The following ANKS1B variants were observed in gnomAD, a reference collection of about 807,000 sequenced individuals.
ANKS1B encodes ankyrin repeat and sterile alpha motif domain-containing protein 1B.
In ANKS1B, 36 loss-of-function variants were observed where a neutral mutation model predicts 148.3. The observed-to-expected ratio is 0.24, with a 90% CI of 0.19 to 0.32. The LOEUF is 0.32. Ranked by LOEUF, ANKS1B falls within the 10% of genes least tolerant of loss-of-function variation. The pLI is 1.00. For synonymous variants in ANKS1B, 542 were observed against 560.8 expected (o/e 0.97, Z 0.47); for missense variants, 1,157 against 1,542.6 (o/e 0.75, Z 4.19).
chr12:99,956,145 G>C (rs931014592), intron 1 of ANKS1B, among the ~76,000 whole-genome samples: 17 of 152,014 alleles, frequency 1.1e-4, no homozygotes, highest in South Asian at 2.1e-4. Context: ...AGGTGTGGTG[G>C]TGGGCGCCTA....
At chr12:99,303,266 T>C (rs1566847186) in intron 12 of ANKS1B, among the ~76,000 whole-genome samples, 2 of 152,150 alleles carry the variant, frequency 1.3e-5, no homozygotes, top group Non-Finnish European at 1.5e-5. Context: ...ATAGATGAAA[T>C]GCAAGTTTGG....
intron 12 of ANKS1B, among the ~76,000 whole-genome samples, chr12:99,265,195 C>T (rs2076327292): frequency 6.6e-6 from 1 of 152,070 alleles, no homozygotes; most frequent in African/African-American, 2.4e-5. Context: ...ATAGTGTGGA[C>T]CCCAGAACAG....
chr12:98,769,008 TA>T (rs963259544), intron 25 of ANKS1B, among the ~76,000 whole-genome samples: 3 of 151,990 alleles, frequency 2.0e-5, no homozygotes, highest in African/African-American at 4.8e-5. Context: ...TGATATCAGA[TA>T]AAAACATGGG....
At chr12:98,997,612 C>T (rs538970084) in intron 17 of ANKS1B, among the ~76,000 whole-genome samples, 5 of 152,036 alleles carry the variant, frequency 3.3e-5, no homozygotes, top group East Asian at 1.9e-4. Flanking sequence ...AGGATGGTCT[C>T]GATCTCTTGA....
chr12:98,832,513 C>T (rs920964761), intron 17 of ANKS1B, among the ~76,000 whole-genome samples: 9 of 152,172 alleles, frequency 5.9e-5, no homozygotes, highest in Admixed American at 3.9e-4. Flanking sequence ...TCTTTCCCTC[C>T]ATCCAGGATA....
At chr12:99,195,089 CTTTG>C (rs374810900) in intron 14 of ANKS1B, among the ~76,000 whole-genome samples, 32 of 152,166 alleles carry the variant, frequency 2.1e-4, no homozygotes, top group African/African-American at 6.0e-4. Context: ...TGCTCTCATA[CTTTG>C]TTTAACTGAT....
intron 10 of ANKS1B, among the ~76,000 whole-genome samples, chr12:99,489,703 A>G (rs2096537650): frequency 6.6e-6 from 1 of 152,230 alleles, no homozygotes; most frequent in Non-Finnish European, 1.5e-5. Context: ...ACTAAAGGTC[A>G]GTTAGTTTCA....
intron 1 of ANKS1B, among the ~76,000 whole-genome samples, chr12:99,870,308 A>AT (rs2091343206): frequency 6.6e-6 from 1 of 152,132 alleles, no homozygotes; most frequent in South Asian, 2.1e-4. Context: ...ATTCCACTGT[A>AT]TATACGTATA....
chr12:99,645,852 G>C (rs965001078), intron 9 of ANKS1B, among the ~76,000 whole-genome samples: 2 of 152,136 alleles, frequency 1.3e-5, no homozygotes, highest in Non-Finnish European at 2.9e-5. Flanking sequence ...CAAGCCAAAT[G>C]AAAGAGGTTC....
intron 1 of ANKS1B, among the ~76,000 whole-genome samples, chr12:99,836,313 A>T (rs547573495): frequency 6.6e-6 from 1 of 152,248 alleles, no homozygotes; most frequent in African/African-American, 2.4e-5. Flanking sequence ...TTTCTTAAAG[A>T]TATCTTGCCT....
chr12:99,514,211 G>A (rs1304120550), intron 9 of ANKS1B, among the ~76,000 whole-genome samples: 1 of 151,970 alleles, frequency 6.6e-6, no homozygotes, highest in Non-Finnish European at 1.5e-5. Flanking sequence ...AGGACTCTAT[G>A]AATATATGAT....
At chr12:99,763,818 G>A (rs866096297) in intron 8 of ANKS1B, among the ~76,000 whole-genome samples, 10 of 151,906 alleles carry the variant, frequency 6.6e-5, no homozygotes, top group South Asian at 2.1e-4. Context: ...TACTTCCTTC[G>A]TATATGTTAT....
chr12:99,370,018 CA>C (rs1371786620), intron 12 of ANKS1B, among the ~76,000 whole-genome samples: 2 of 152,046 alleles, frequency 1.3e-5, no homozygotes, highest in Non-Finnish European at 2.9e-5. Flanking sequence ...GAACATTGTA[CA>C]AATATAGGAT....
In ANKS1B at chr12:99,798,996, A is replaced by T. The variant is rs114338265; in HGVS notation, c.669+7408T>A. 7.4e-3 allele frequency among the ~76,000 whole-genome samples: 1,129 copies of T among 152,046 alleles called. 14 individuals are homozygous for T. The highest frequency in any genetic ancestry group is 0.026 in the African/African-American group (1,082 of 41,494). ...CCACTATTTAAAAACAAAACAAACA[A>T]CCAAAGAAACTTCCTGTGAACCTGC... On this transcript the variant is annotated intron_variant, in intron 4 of 26. Coordinates refer to ENST00000683438, the MANE Select transcript of ANKS1B (RefSeq NM_001352186.2).
chr12:99,900,504 T>TAA (rs759188908), intron 1 of ANKS1B, among the ~76,000 whole-genome samples: 1 of 42,488 alleles, frequency 2.4e-5, no homozygotes, highest in African/African-American at 1.1e-4. Flanking sequence ...AGACTCCATC[T>TAA]CAAAAAAAAA....
At chr12:99,062,027 T>A (rs931337157) in intron 16 of ANKS1B, among the ~76,000 whole-genome samples, 12 of 152,090 alleles carry the variant, frequency 7.9e-5, no homozygotes, top group Admixed American at 2.0e-4. Context: ...TGGGATGACA[T>A]GAATAATTTT....
At chr12:98,937,323 G>T (rs759520741) in intron 17 of ANKS1B, among the ~76,000 whole-genome samples, 1 of 151,900 alleles carries the variant, frequency 6.6e-6, no homozygotes, top group East Asian at 1.9e-4. Context: ...ATTAATAGGG[G>T]TAGGTGATAA....
At position 99,927,519 on chromosome 12, in the gene ANKS1B, T is replaced by C. The variant is rs147949854; in HGVS notation, c.134+56585A>G. ...AAATGCAAAGATTGCCTAGGAAGAA[T>C]GTCTCTTTGCTTGTTTTTACAAGGG... On this transcript the variant is annotated intron_variant, in intron 1 of 26. Coordinates refer to ENST00000683438, the MANE Select transcript of ANKS1B (RefSeq NM_001352186.2). Among the ~76,000 whole-genome samples, 249 of 152,328 alleles carry C rather than the reference T, an allele frequency of 1.6e-3. 9 individuals are homozygous for C. The East Asian group carries it at 0.04, about 24-fold the overall frequency.
intron 15 of ANKS1B, among the ~76,000 whole-genome samples, chr12:99,125,878 G>T (rs771523809): frequency 6.6e-6 from 1 of 151,490 alleles, no homozygotes; most frequent in Non-Finnish European, 1.5e-5. Flanking sequence ...AAAGCAGCCA[G>T]ATATTTCTGT....
Sources: allele counts gnomAD v4.1 joint callset (sites outside exome capture counted in the v4.1 genomes callset), GRCh38; gene constraint gnomAD v4.1.1; transcripts MANE v1.5; gene names NCBI Gene and HGNC (gene_info 2026-07-23, HGNC 2026-07-21).